Variants in CYP2J2 observed in about 807,000 individuals in gnomAD.
CYP2J2 encodes cytochrome P450 2J2.
A neutral mutation model predicts 48.8 loss-of-function variants in CYP2J2; 41 were observed. That is an observed-to-expected ratio of 0.84 (90% confidence interval 0.66 to 1.09). CYP2J2 has a LOEUF of 1.09. CYP2J2 is among the 50% of genes least tolerant of loss of function. The pLI is 0.00. For synonymous variants in CYP2J2, 221 were observed against 227.1 expected, an observed-to-expected ratio of 0.97 and a Z score of 0.24; for missense variants, 644 against 617.3, an observed-to-expected ratio of 1.04 and a Z score of -0.46.
the CYP2J2 span, among the ~76,000 whole-genome samples, chr1:59,955,163 AAAT>A: frequency 6.7e-6 from 1 of 149,512 alleles, no homozygotes; most frequent in African/African-American, 2.4e-5. Flanking sequence ...ATAAATAAAT[AAAT>A]AAATAATTAA....
In CYP2J2 at chr1:59,911,469, A is replaced by G. The variant is rs373775020; in HGVS notation, c.684+139T>C. 19 of 576,694 alleles carry G rather than the reference A, an allele frequency of 3.3e-5. No individual in the cohort carries two copies. The Admixed American group carries it at 5.4e-4, about 16-fold the overall frequency. The allele number at this position is 576,694 out of a possible 1,614,324, so 35.7% of individuals were successfully genotyped here. On this transcript the variant is annotated intron_variant, in intron 4 of 8. Coordinates refer to ENST00000371204, the MANE Select transcript of CYP2J2 (RefSeq NM_000775.4). ...ACTAAAGTCAATAGATTTATTTCAA[A>G]TAAGTTTGTGTTGAAATTAGTTTTG...
At chr1:59,902,619 T>A (rs2102110585) in intron 7 of CYP2J2, among the ~76,000 whole-genome samples, 1 of 152,190 alleles carries the variant, frequency 6.6e-6, no homozygotes, top group South Asian at 2.1e-4. Flanking sequence ...TTCACCATGT[T>A]GGCCAGGCTG....
Position 59,926,739 on chromosome 1 carries a change from G to A in CYP2J2, c.8C>T (p.Ala3Val), listed in dbSNP as rs1644569187. The change falls in exon 1 of 9, where the codon GCG (alanine) becomes GTG (valine). Residue 3 changes from alanine (A) to valine (V), a missense_variant. Coordinates refer to ENST00000371204, the MANE Select transcript of CYP2J2 (RefSeq NM_000775.4). ...GGCAGCCGCCAGAGAGCCCATCGCC[G>A]CGAGCATGGCTCAGACGTCCTCCTG... MLAAMGSLAAALW... is the reference protein window; with the variant it reads MLVAMGSLAAALW... 3.1e-6 allele frequency: 5 copies of A among 1,612,730 alleles called. No individual in the cohort carries two copies. Among genetic ancestry groups the A allele is most frequent in the East Asian group, 2.2e-5 (1 of 44,870 alleles).
At chr1:59,951,237 T>C in the CYP2J2 span, among the ~76,000 whole-genome samples, 1 of 152,206 alleles carries the variant, frequency 6.6e-6, no homozygotes, top group Non-Finnish European at 1.5e-5. Context: ...GTTCTTTACC[T>C]CTACATTCTG....
the CYP2J2 span, among the ~76,000 whole-genome samples, chr1:59,942,069 T>G: frequency 1.3e-5 from 2 of 152,208 alleles, no homozygotes; most frequent in East Asian, 1.9e-4. Context: ...CAGGGGTACC[T>G]TTTTTTATTT....
At chr1:59,952,041 T>C in the CYP2J2 span, among the ~76,000 whole-genome samples, 263 of 151,860 alleles carry the variant, frequency 1.7e-3, no homozygotes, top group African/African-American at 6.1e-3. Flanking sequence ...CACTAAATAC[T>C]GTAAGGCTAG....
chr1:59,956,996 T>C, the CYP2J2 span, among the ~76,000 whole-genome samples: 1 of 152,180 alleles, frequency 6.6e-6, no homozygotes, highest in Non-Finnish European at 1.5e-5. Context: ...TTAGACTGCA[T>C]GGAGGGCGAT....
At chr1:59,945,408 ATC>A in the CYP2J2 span, among the ~76,000 whole-genome samples, 1 of 3,564 alleles carries the variant, frequency 2.8e-4, no homozygotes. Flanking sequence ...TCTTTCTGTC[ATC>A]TATCTATCTA....
chr1:59,945,407 CATCTATCTATCT>C, the CYP2J2 span, among the ~76,000 whole-genome samples: 28,227 of 148,822 alleles, frequency 0.19, 3,478 homozygotes, highest in African/African-American at 0.36. Flanking sequence ...CTCTTTCTGT[CATCTATCTATCT>C]ATCTATCTAT....
At chr1:59,961,120 A>G in the CYP2J2 span, among the ~76,000 whole-genome samples, 2,093 of 152,330 alleles carry the variant, frequency 0.014, 48 homozygotes, top group African/African-American at 0.048. Context: ...CTCAAGCAAT[A>G]AAATAAAACA....
At chr1:59,904,838 C>G in intron 7 of CYP2J2, 33 bp downstream of exon 7, 3 of 1,589,716 alleles carry the variant, frequency 1.9e-6, no homozygotes, top group Non-Finnish European at 2.6e-6. Context: ...TTCTACCCCC[C>G]TAAAAGATGG....
intron 2 of CYP2J2, 199 bp from the exon 3 acceptor site, chr1:59,912,510 T>A: frequency 1.8e-6 from 1 of 555,888 alleles, no homozygotes; most frequent in African/African-American, 1.9e-5. Context: ...CACTTTAATA[T>A]GCATTTTGTT....
intron 8 of CYP2J2, among the ~76,000 whole-genome samples, chr1:59,895,772 G>A (rs1644263595): frequency 6.6e-6 from 1 of 152,102 alleles, no homozygotes; most frequent in Non-Finnish European, 1.5e-5. Flanking sequence ...CTAGCATTAG[G>A]TATATCTCTT....
the CYP2J2 span, among the ~76,000 whole-genome samples, chr1:59,947,241 C>T: frequency 1.3e-5 from 2 of 152,182 alleles, no homozygotes; most frequent in Non-Finnish European, 2.9e-5. Context: ...CATGGTCTGT[C>T]AGTGGCTGCA....
the CYP2J2 span, among the ~76,000 whole-genome samples, chr1:59,967,926 G>A: frequency 2.6e-5 from 4 of 152,230 alleles, no homozygotes; most frequent in African/African-American, 9.6e-5. Flanking sequence ...ACAGCTGCAC[G>A]GTCTACCAAC....
At chr1:59,919,819 T>C (rs1305737552) in intron 1 of CYP2J2, among the ~76,000 whole-genome samples, 2 of 152,242 alleles carry the variant, frequency 1.3e-5, no homozygotes, top group African/African-American at 4.8e-5. Context: ...GGGGCTGCGC[T>C]GGTTTCTGAG....
chr1:59,944,681 A>G, the CYP2J2 span, among the ~76,000 whole-genome samples: 4 of 152,194 alleles, frequency 2.6e-5, no homozygotes, highest in South Asian at 2.1e-4. Context: ...TTGCTTGCCA[A>G]TTCAGAGCTT....
Position 59,911,533 on chromosome 1 carries a change from A to G in CYP2J2, c.684+75T>C, listed in dbSNP as rs1644413726. On this transcript the variant is annotated intron_variant, in intron 4 of 8. Coordinates refer to ENST00000371204, the MANE Select transcript of CYP2J2 (RefSeq NM_000775.4). ...TAACTTCAAAAACCCAAAAAAAACT[A>G]AAAGGAAAAACCCATCTGTGGCTGA... The G allele has an allele frequency of 2.6e-6, 3 of 1,133,052 alleles. No homozygotes were observed. In the Admixed American group the frequency reaches 8.6e-5, roughly 32 times the overall value. 70.2% of individuals were successfully genotyped at this position (1,133,052 alleles called of 1,614,324 possible). A position where few individuals can be genotyped will look rare whatever the true frequency, so the allele number is the denominator to read the frequency against.
chr1:59,952,307 C>CTTT, the CYP2J2 span, among the ~76,000 whole-genome samples: 3,301 of 140,018 alleles, frequency 0.024, 45 homozygotes, highest in Middle Eastern at 0.033. Flanking sequence ...TATGCGTATG[C>CTTT]TTTTTTTTTT....
Sources: gnomAD v4.1 joint callset for allele counts (sites outside exome capture counted in the v4.1 genomes callset) on GRCh38, gnomAD v4.1.1 for gene constraint, MANE v1.5 for transcripts, NCBI Gene and HGNC (gene_info 2026-07-23, HGNC 2026-07-21) for gene names.